The following CUL1 variants were observed in gnomAD, a reference collection of about 807,000 sequenced individuals.
CUL1 encodes cullin-1.
Under a neutral mutation model 118.0 loss-of-function variants are expected in CUL1, and 24 were observed. That is an observed-to-expected ratio of 0.20 (90% CI 0.15 to 0.29). The LOEUF (loss-of-function observed/expected upper bound fraction) is 0.29. Among genes scored for constraint, CUL1 ranks in the 10% least tolerant of loss-of-function variants. CUL1 has a pLI of 1.00. For missense variants in CUL1, 361 were observed against 933.8 expected (o/e 0.39, Z 7.99); for synonymous variants, 332 against 340.4 (o/e 0.98, Z 0.27).
chr7:148,728,474 G>T (rs746858534), intron 1 of CUL1, among the ~76,000 whole-genome samples: 2 of 152,116 alleles, frequency 1.3e-5, no homozygotes, highest in Non-Finnish European at 2.9e-5. Flanking sequence ...TGCACCACCA[G>T]TCCAAAACAT....
At chr7:148,725,433 G>A (rs1044431408) in intron 1 of CUL1, among the ~76,000 whole-genome samples, 6 of 152,210 alleles carry the variant, frequency 3.9e-5, no homozygotes, top group African/African-American at 1.4e-4. Flanking sequence ...TCAGCCCAGC[G>A]GGAGTTAAAG....
At chr7:148,744,001 A>T (rs1169761069) in intron 2 of CUL1, among the ~76,000 whole-genome samples, 1 of 152,198 alleles carries the variant, frequency 6.6e-6, no homozygotes, top group Non-Finnish European at 1.5e-5. Flanking sequence ...TTTTAAGTAC[A>T]TTTATTATGA....
chr7:148,766,443 G>C, intron 7 of CUL1, 118 bp from the exon 8 acceptor site: 1 of 870,122 alleles, frequency 1.1e-6, no homozygotes, highest in Non-Finnish European at 1.7e-6. Context: ...CATTTTATTA[G>C]AGCTGGCATG....
chr7:148,728,261 G>C (rs1158057581), intron 1 of CUL1, among the ~76,000 whole-genome samples: 2 of 151,808 alleles, frequency 1.3e-5, no homozygotes, highest in African/African-American at 2.4e-5. Flanking sequence ...GGCCAGAGTA[G>C]AACTTTTTTT....
intron 3 of CUL1, among the ~76,000 whole-genome samples, chr7:148,755,043 G>A (rs1161396955): frequency 6.6e-6 from 1 of 152,200 alleles, no homozygotes; most frequent in Non-Finnish European, 1.5e-5. Context: ...GTGAGCCACA[G>A]TGCCTGGCCA....
chr7:148,742,178 T>A (rs1236919816), intron 2 of CUL1, among the ~76,000 whole-genome samples: 1 of 152,134 alleles, frequency 6.6e-6, no homozygotes, highest in East Asian at 1.9e-4. Context: ...AATCTTTGGA[T>A]CAATTTGGGG....
At chr7:148,739,161 C>T (rs906071802) in intron 2 of CUL1, among the ~76,000 whole-genome samples, 2 of 152,210 alleles carry the variant, frequency 1.3e-5, no homozygotes, top group African/African-American at 4.8e-5. Context: ...CTTGAATTAT[C>T]CCAATAGCGC....
At chr7:148,704,734 T>A (rs1437118080) in intron 1 of CUL1, among the ~76,000 whole-genome samples, 1 of 152,230 alleles carries the variant, frequency 6.6e-6, no homozygotes, top group African/African-American at 2.4e-5. Context: ...ATGCATTTTT[T>A]AAAAAGATGA....
At chr7:148,766,282 G>T (rs181310936) in intron 7 of CUL1, among the ~76,000 whole-genome samples, 1 of 151,946 alleles carries the variant, frequency 6.6e-6, no homozygotes, top group African/African-American at 2.4e-5. Context: ...CTACAGGCGC[G>T]TGCCACACCT....
At chr7:148,698,076 G>C (rs1344805274), upstream of CUL1, 1 of 152,246 alleles carries the variant, frequency 6.6e-6, no homozygotes, top group Non-Finnish European at 1.5e-5. Flanking sequence ...TATCTTAGAA[G>C]TGATTTTTAA....
In CUL1 at chr7:148,798,083, C is replaced by T. The variant is rs575804842; in HGVS notation, c.2030+64C>T. The stretch of plus-strand genomic sequence containing the variant: ...GACACGTCCCCCGGGAGCCCTAGCA[C>T]GGATCTCAGTATTGTTACAAACCAA... On this transcript the variant is annotated intron_variant, in intron 19 of 21. Transcript: ENST00000325222. 102 of 943,334 alleles carry T rather than the reference C, an allele frequency of 1.1e-4. No homozygotes were observed. In the African/African-American group the frequency reaches 1.3e-3, roughly 12 times the overall value. 58.4% of individuals were successfully genotyped at this position (943,334 alleles called of 1,614,324 possible).
chr7:148,798,761 G>A, intron 20 of CUL1, 84 bp downstream of exon 20: 1 of 1,093,420 alleles, frequency 9.1e-7, no homozygotes, highest in Admixed American at 1.7e-5. Context: ...GGGTAGGCGG[G>A]GGTGACAAAG....
chr7:148,759,367 G>A lies in CUL1; in HGVS notation c.534+13G>A. The A allele has an allele frequency of 1.2e-6, 2 of 1,613,654 alleles. No individual in the cohort carries two copies. The highest frequency in any genetic ancestry group is 8.5e-7 in the Non-Finnish European group (1 of 1,179,626). ...ACTGAATAAACAGGTACCTACTGGT[G>A]TGAGCGTGTGCATGTTCCTTTTAAA... On this transcript the variant is annotated intron_variant, in intron 5 of 21. Transcript: ENST00000325222.
At chr7:148,780,776 G>A (rs186122925) in intron 9 of CUL1, among the ~76,000 whole-genome samples, 3 of 152,126 alleles carry the variant, frequency 2.0e-5, no homozygotes, top group Non-Finnish European at 2.9e-5. Flanking sequence ...ATACACAGAG[G>A]GTCCTGAATC....
At chr7:148,797,709 T>C (rs1801253418) in intron 17 of CUL1, 103 bp from the exon 18 acceptor site, 1 of 872,310 alleles carries the variant, frequency 1.1e-6, no homozygotes, top group African/African-American at 1.7e-5. Context: ...GTGATTTTTT[T>C]TTTTTTTTTT....
intron 15 of CUL1, 39 bp downstream of exon 15, chr7:148,789,865 T>C: frequency 6.3e-7 from 1 of 1,582,670 alleles, no homozygotes; most frequent in Non-Finnish European, 8.7e-7. Context: ...TAGTGCTAAG[T>C]GGAGGGTGGG....
At chr7:148,732,828 C>A (rs1798808128) in intron 2 of CUL1, among the ~76,000 whole-genome samples, 1 of 151,898 alleles carries the variant, frequency 6.6e-6, no homozygotes, top group Admixed American at 6.6e-5. Flanking sequence ...TTTAGGACTG[C>A]CTCTCAAATT....
chr7:148,800,926 T>G lies in CUL1; in HGVS notation c.*344T>G, dbSNP rs866120118. The G allele has an allele frequency of 4.9e-6, 1 of 203,844 alleles. No homozygotes were observed. The highest frequency in any genetic ancestry group is 1.2e-4 in the East Asian group (1 of 8,016). 12.6% of individuals were successfully genotyped at this position (203,844 alleles called of 1,614,324 possible). On this transcript the variant is annotated 3_prime_UTR_variant, in exon 22 of 22. Coordinates refer to ENST00000325222, the MANE Select transcript of CUL1 (RefSeq NM_003592.3). This position sits in a 1 kb window ranked among gnomAD's most constrained non-coding sequence, Gnocchi z 4.6. ...AGCACTTGTCACGTTGGCAGCACTTTGAGAGCAAGTCTGAGTGGACCCACA... is the reference window on the plus strand; with the variant it reads ...AGCACTTGTCACGTTGGCAGCACTTGGAGAGCAAGTCTGAGTGGACCCACA...
chr7:148,766,354 G>A (rs1202237292), intron 7 of CUL1, among the ~76,000 whole-genome samples: 4 of 152,048 alleles, frequency 2.6e-5, no homozygotes, highest in Non-Finnish European at 4.4e-5. Flanking sequence ...TCAAAATCCT[G>A]GCCTCGAGCA....
Sources: gnomAD v4.1 joint callset for allele counts (sites outside exome capture counted in the v4.1 genomes callset) on GRCh38, gnomAD v4.1.1 for gene constraint, Gnocchi (gnomAD v3.1) non-coding constraint, MANE v1.5 for transcripts, NCBI Gene and HGNC (gene_info 2026-07-23, HGNC 2026-07-21) for gene names.